UQCRC2: variants seen among roughly 807,000 people sequenced by gnomAD.
UQCRC2 encodes the protein ubiquinol-cytochrome c reductase core protein 2.
Under a neutral mutation model 55.6 loss-of-function variants are expected in UQCRC2, and 49 were observed. The observed-to-expected ratio is 0.88, with a 90% CI of 0.70 to 1.12. The LOEUF is 1.12. Among genes scored for constraint, UQCRC2 ranks in the 50% most tolerant of loss-of-function variants. The pLI is 0.00. For synonymous variants in UQCRC2, 193 were observed against 192.0 expected (o/e 1.01, Z -0.04); for missense variants, 506 against 547.8 (o/e 0.92, Z 0.76).
intron 6 of UQCRC2, among the ~76,000 whole-genome samples, chr16:21,963,505 G>A (rs1304543576): frequency 6.6e-6 from 1 of 151,930 alleles, no homozygotes; most frequent in Non-Finnish European, 1.5e-5. Flanking sequence ...GGTGTTGCTT[G>A]TTGCCCAGGC....
At position 21,965,451 on chromosome 16, in the gene UQCRC2, G is replaced by A. The variant is rs752592015; in HGVS notation, c.558G>A (p.Leu186=). 3.1e-6 allele frequency: 5 copies of A among 1,613,880 alleles called. No individual in the cohort carries two copies. Among genetic ancestry groups the A allele is most frequent in the Non-Finnish European group, 4.2e-6 (5 of 1,179,926 alleles). The change falls in exon 7 of 14, where the codon TTG becomes TTA. Residue 186 remains leucine (L), a synonymous_variant. Transcript: ENST00000268379. The stretch of plus-strand genomic sequence containing the variant: ...ATGCAGCAGCTTACCGGAATGCCTT[G>A]GCTAATCCCTTGTATTGTCCTGACT... The part of the protein sequence containing the change: ...NLHAAAYRNA[L]ANPLYCPDYR...
At chr16:21,975,158 G>A (rs1270378573) in intron 11 of UQCRC2, among the ~76,000 whole-genome samples, 1 of 152,176 alleles carries the variant, frequency 6.6e-6, no homozygotes, top group Non-Finnish European at 1.5e-5. Context: ...AAAGTGGGCA[G>A]GTGAGAAGTA....
intron 11 of UQCRC2, 143 bp from the exon 12 acceptor site, chr16:21,976,024 A>C: frequency 1.8e-6 from 1 of 562,046 alleles, no homozygotes; most frequent in Non-Finnish European, 3.2e-6. Context: ...ACCCATAGTG[A>C]TGACAGCATT....
rs1346015147 is a variant in UQCRC2 at position 21,962,059 on chromosome 16, G to A, written c.333-401G>A. On this transcript the variant is annotated intron_variant, in intron 4 of 13. Transcript: ENST00000268379. ...TTCTCCCACCTGAAATTCTGTACCT[G>A]TTAAACAATGGCTGCTCATTCTCCC... 3 of 176,110 alleles carry A rather than the reference G, an allele frequency of 1.7e-5. No individual in the cohort carries two copies. The East Asian group carries it at 4.5e-4, about 26-fold the overall frequency. The allele number at this position is 176,110 out of a possible 1,614,324, so 10.9% of individuals were successfully genotyped here.
intron 10 of UQCRC2, 148 bp downstream of exon 10, chr16:21,972,270 C>A: frequency 9.8e-7 from 1 of 1,017,336 alleles, no homozygotes; most frequent in Non-Finnish European, 1.4e-6. Flanking sequence ...ATTTTAGTAT[C>A]TTTGAAGGCC....
intron 6 of UQCRC2, chr16:21,963,187 G>C (rs1197705331): frequency 4.9e-6 from 1 of 202,800 alleles, no homozygotes; most frequent in African/African-American, 2.3e-5. Flanking sequence ...ACAGGGTTTT[G>C]CCATGTTGGT....
Position 21,953,516 on chromosome 16 carries a change from C to G in UQCRC2, c.33+60C>G, listed in dbSNP as rs1056018590. On this transcript the variant is annotated intron_variant, in intron 1 of 13. Coordinates refer to ENST00000268379, the MANE Select transcript of UQCRC2 (RefSeq NM_003366.4). Reference sequence around the variant, plus strand: ...GGAGCAGTGTGTCGACAAGGTGATACGAGGCGGAGGTGTCTGGTCTGGGGT... The same window carrying G: ...GGAGCAGTGTGTCGACAAGGTGATAGGAGGCGGAGGTGTCTGGTCTGGGGT... 3.1e-6 allele frequency: 5 copies of G among 1,590,902 alleles called. No individual in the cohort carries two copies. The African/African-American group carries it at 5.4e-5, about 17-fold the overall frequency.
chr16:21,979,450 G>C (rs1356196329), intron 12 of UQCRC2, among the ~76,000 whole-genome samples: 1 of 152,170 alleles, frequency 6.6e-6, no homozygotes, highest in Non-Finnish European at 1.5e-5. Flanking sequence ...AGATGGTATA[G>C]CCTACTACAC....
At chr16:21,981,198 C>T (rs1468899288) in intron 13 of UQCRC2, among the ~76,000 whole-genome samples, 1 of 152,162 alleles carries the variant, frequency 6.6e-6, no homozygotes, top group East Asian at 1.9e-4. Context: ...CTAGGACATT[C>T]TCTTGTTCTT....
At chr16:21,968,758 C>T (rs949919126) in intron 8 of UQCRC2, 73 bp downstream of exon 8, 1 of 1,376,476 alleles carries the variant, frequency 7.3e-7, no homozygotes, top group African/African-American at 1.5e-5. Flanking sequence ...ATTACGTGAA[C>T]ATAGGATTGA....
At chr16:21,976,520 C>T (rs557780455) in intron 12 of UQCRC2, 13 of 303,106 alleles carry the variant, frequency 4.3e-5, no homozygotes, top group South Asian at 1.9e-4. Flanking sequence ...AGCAAGACCT[C>T]GTCTCCACCA....
At chr16:21,971,406 C>A in intron 8 of UQCRC2, 119 bp from the exon 9 acceptor site, 1 of 795,890 alleles carries the variant, frequency 1.3e-6, no homozygotes, top group Non-Finnish European at 2.0e-6. Context: ...CAGGAAGACT[C>A]TTATTTATTT....
At position 21,976,174 on chromosome 16, in the gene UQCRC2, A is replaced by G. The variant is rs138209782; in HGVS notation, c.1055A>G (p.Lys352Arg). 10 of 1,613,738 alleles carry G rather than the reference A, an allele frequency of 6.2e-6. No individual in the cohort carries two copies. Among genetic ancestry groups the G allele is most frequent in the African/African-American group, 2.7e-5 (2 of 74,904 alleles). Residue 352 changes from lysine to arginine, a missense_variant, in exon 12 of 14, where the codon AAG becomes AGG. Physicochemically the swap from Lys to Arg is conservative, Grantham distance 26 (BLOSUM62 2). Coordinates refer to ENST00000268379, the MANE Select transcript of UQCRC2 (RefSeq NM_003366.4). ...TTTTCTTATCTGTCCTAGGTTATCA[A>G]GGCTGCCTATAATCAAGTAAAAACA... Reference protein sequence around the residue: ...SQATAAGDVIKAAYNQVKTIA... With the variant: ...SQATAAGDVIRAAYNQVKTIA...
chr16:21,979,979 T>C (rs1898676865), intron 12 of UQCRC2, among the ~76,000 whole-genome samples: 1 of 152,222 alleles, frequency 6.6e-6, no homozygotes, highest in Non-Finnish European at 1.5e-5. Flanking sequence ...TGGGCTTATG[T>C]TAGAAGACTT....
intron 12 of UQCRC2, chr16:21,980,261 C>T (rs1439137318): frequency 6.2e-6 from 2 of 323,586 alleles, no homozygotes; most frequent in Non-Finnish European, 1.2e-5. Context: ...CTCCAGCTGT[C>T]TCACTCAAAT....
chr16:21,965,505 G>A lies in UQCRC2; in HGVS notation c.612G>A (p.Glu204=). 1 of 1,574,534 alleles carries A rather than the reference G, an allele frequency of 6.4e-7. No homozygotes were observed. Among genetic ancestry groups the A allele is most frequent in the Middle Eastern group, 1.7e-4 (1 of 5,920 alleles). ...GGATTGGAAAAGTGACATCAGAGGA[G>A]GTACCAATAAAACATATTTTGAAAT... The part of the protein sequence containing the change: ...DYRIGKVTSE[E]LHYFVQNHFT... Residue 204 remains glutamate, a splice_region_variant and synonymous_variant, in exon 7 of 14, where the codon GAG becomes GAA. Transcript: ENST00000268379.
In UQCRC2 at chr16:21,962,886, G is replaced by A. The variant is rs762357339; in HGVS notation, c.514+1G>A. ...GTGGCCTTTCAGAATCCGCAGACTC[G>A]TAAGTACATTTCCAGATCACATTTG... On this transcript the variant is annotated splice_donor_variant, in intron 6 of 13. Coordinates refer to ENST00000268379, the MANE Select transcript of UQCRC2 (RefSeq NM_003366.4). LOFTEE classifies it high-confidence loss of function. 7 of 1,613,526 alleles carry A rather than the reference G, an allele frequency of 4.3e-6. No homozygotes were observed. Among genetic ancestry groups the A allele is most frequent in the African/African-American group, 2.7e-5 (2 of 74,892 alleles).
chr16:21,961,371 C>T (rs1363749194), intron 4 of UQCRC2: 1 of 437,644 alleles, frequency 2.3e-6, no homozygotes, highest in Non-Finnish European at 4.6e-6. Flanking sequence ...GACCACTATA[C>T]AGCCATTACG....
intron 12 of UQCRC2, among the ~76,000 whole-genome samples, chr16:21,979,857 C>T (rs1898673428): frequency 6.6e-6 from 1 of 152,124 alleles, no homozygotes; most frequent in South Asian, 2.1e-4. Context: ...TATATGTGGT[C>T]CATCATTGAC....
Sources: allele counts gnomAD v4.1 joint callset (sites outside exome capture counted in the v4.1 genomes callset), GRCh38; gene constraint gnomAD v4.1.1; transcripts MANE v1.5; gene names NCBI Gene and HGNC (gene_info 2026-07-23, HGNC 2026-07-21).